The following POP1 variants were observed in gnomAD, a reference collection of about 807,000 sequenced individuals.
POP1 encodes the protein ribonucleases P/MRP protein subunit POP1.
A neutral mutation model predicts 102.2 loss-of-function variants in POP1; 75 were observed. That is an observed-to-expected ratio of 0.73 (90% CI 0.61 to 0.89). The LOEUF is 0.89. Ranked by LOEUF, POP1 falls within the 40% of genes least tolerant of loss-of-function variation. The pLI is 0.00. For synonymous variants in POP1, 436 were observed against 464.1 expected, an observed-to-expected ratio of 0.94 and a Z score of 0.78; for missense variants, 1,116 against 1,267.4, an observed-to-expected ratio of 0.88 and a Z score of 1.81.
At chr8:98,126,871 A>G (rs1240899029) in intron 2 of POP1, among the ~76,000 whole-genome samples, 2 of 152,228 alleles carry the variant, frequency 1.3e-5, no homozygotes, top group Non-Finnish European at 2.9e-5. Context: ...TTTTATATAT[A>G]TACGAATATT....
chr8:98,146,538 G>C (rs1816847217), intron 11 of POP1, 30 bp from the exon 12 acceptor site: 2 of 1,496,464 alleles, frequency 1.3e-6, no homozygotes, highest in African/African-American at 1.4e-5. Context: ...TGAAGGATGT[G>C]GTTTGAAGGC....
In POP1 at chr8:98,121,043, A is replaced by G. The variant is rs1816004415; in HGVS notation, c.-2-2293A>G. Among the ~76,000 whole-genome samples the G allele has an allele frequency of 2.6e-5, 4 of 152,174 alleles. 1 individual carries two copies. In the South Asian group the frequency reaches 8.3e-4, roughly 32 times the overall value. On this transcript the variant is annotated intron_variant, in intron 1 of 15. Coordinates refer to ENST00000401707, the MANE Select transcript of POP1 (RefSeq NM_001145860.2). ...AGTGATCCACTCGCCTTGGCCTCCC[A>G]TAGTGCTGGGATTACAGGCATAAGC...
At position 98,134,007 on chromosome 8, in the gene POP1, C is replaced by T. The variant is rs747730830; in HGVS notation, c.794C>T (p.Ala265Val). 12 of 1,612,648 alleles carry T rather than the reference C, an allele frequency of 7.4e-6. No homozygotes were observed. Among genetic ancestry groups the T allele is most frequent in the African/African-American group, 5.3e-5 (4 of 74,848 alleles). Residue 265 changes from alanine to valine, a missense_variant, in exon 6 of 16, where the codon GCG becomes GTG. Ala to Val is a moderately conservative substitution (Grantham distance 64). Coordinates refer to ENST00000401707, the MANE Select transcript of POP1 (RefSeq NM_001145860.2). ...LKGKEEEILK[A>V]LSGMCNIDTG... ...GGCAAAGAGGAAGAAATACTAAAGG[C>T]GCTTTCTGGAATGTGTAACATAGAC...
chr8:98,158,406 A>T lies in POP1; in HGVS notation c.*135A>T. On this transcript the variant is annotated 3_prime_UTR_variant, in exon 16 of 16. Coordinates refer to ENST00000401707, the MANE Select transcript of POP1 (RefSeq NM_001145860.2). ...AAACAAGAATAAAAAATTATGTATT[A>T]TGCAGATGATGAAATGTTTACATCA... 5 of 918,850 alleles carry T rather than the reference A, an allele frequency of 5.4e-6. No individual in the cohort carries two copies. The highest frequency in any genetic ancestry group is 8.6e-6 in the Non-Finnish European group (5 of 583,154). The allele number at this position is 918,850 out of a possible 1,614,324, so 56.9% of individuals were successfully genotyped here.
rs761379355 is a variant in POP1, at chr8:98,130,157, T to G, written c.666T>G (p.Leu222=). 6.2e-7 allele frequency: 1 copy of G among 1,614,034 alleles called. No homozygotes were observed. The highest frequency in any genetic ancestry group is 1.7e-5 in the Admixed American group (1 of 60,004). Residue 222 remains leucine (L), a synonymous_variant, in exon 5 of 16, where the codon CTT becomes CTG. Coordinates refer to ENST00000401707, the MANE Select transcript of POP1 (RefSeq NM_001145860.2). ...TGGTCAAGAAGTGGGGCTACTGCCTTGGGGAGAGGCCAACAGTCAAGAGCC... is the reference window on the plus strand; with the variant it reads ...TGGTCAAGAAGTGGGGCTACTGCCTGGGGGAGAGGCCAACAGTCAAGAGCC... ...FHMVKKWGYC[L]GERPTVKSHR...
chr8:98,148,608 A>C lies in POP1; in HGVS notation c.1711-207A>C, dbSNP rs9969669. Among the ~76,000 whole-genome samples the C allele has an allele frequency of 0.13, 20,340 of 152,270 alleles. 1,479 individuals carry two copies. The highest frequency in any genetic ancestry group is 0.27 in the Middle Eastern group (78 of 294). On this transcript the variant is annotated intron_variant, in intron 12 of 15. Coordinates refer to ENST00000401707, the MANE Select transcript of POP1 (RefSeq NM_001145860.2). Reference sequence around the variant, plus strand: ...TAATGAATGATATAAGATAATTTCGAATTTCTACCTAAGCACTTGTATAGA... The same window carrying C: ...TAATGAATGATATAAGATAATTTCGCATTTCTACCTAAGCACTTGTATAGA...
intron 5 of POP1, 76 bp downstream of exon 5, chr8:98,130,302 A>T (rs1816345834): frequency 1.3e-6 from 2 of 1,578,024 alleles, no homozygotes; most frequent in Non-Finnish European, 1.7e-6. Flanking sequence ...ATAGTTTATG[A>T]TGTGCCAAGC....
chr8:98,133,098 T>C (rs1337198670), intron 5 of POP1, among the ~76,000 whole-genome samples: 6 of 149,022 alleles, frequency 4.0e-5, no homozygotes, highest in African/African-American at 1.2e-4. Flanking sequence ...GTGCCTGTAG[T>C]CCCAGCTACC....
At chr8:98,123,117 G>A (rs1213550770) in intron 1 of POP1, among the ~76,000 whole-genome samples, 1 of 152,116 alleles carries the variant, frequency 6.6e-6, no homozygotes, top group Non-Finnish European at 1.5e-5. Flanking sequence ...ATCATCCATA[G>A]CAATCTTATC....
chr8:98,125,696 A>G (rs999366497), intron 2 of POP1, among the ~76,000 whole-genome samples: 5 of 152,016 alleles, frequency 3.3e-5, no homozygotes, highest in African/African-American at 7.2e-5. Context: ...ACATGCTGCC[A>G]CACCCAGCTA....
At chr8:98,120,867 T>C (rs1330547410) in intron 1 of POP1, among the ~76,000 whole-genome samples, 1 of 152,132 alleles carries the variant, frequency 6.6e-6, no homozygotes, top group Admixed American at 6.6e-5. Flanking sequence ...AGGATGGTCT[T>C]GATCTCCTGA....
chr8:98,148,872 C>A lies in POP1; in HGVS notation c.1768C>A (p.Pro590Thr). 6.2e-7 allele frequency: 1 copy of A among 1,613,850 alleles called. No individual in the cohort carries two copies. The highest frequency in any genetic ancestry group is 1.1e-5 in the South Asian group (1 of 90,988). Reference sequence around the variant, plus strand: ...GCCTGGGTCACAGCTTATTTTAGGTCCCCATGAATCCAAGATACCTATACT... The same window carrying A: ...GCCTGGGTCACAGCTTATTTTAGGTACCCATGAATCCAAGATACCTATACT... The part of the protein sequence containing the change: ...LVPGSQLILG[P>T]HESKIPILLI... Residue 590 changes from proline to threonine, a missense_variant, in exon 13 of 16, where the codon CCC (proline) becomes ACC (threonine). Coordinates refer to ENST00000401707, the MANE Select transcript of POP1 (RefSeq NM_001145860.2).
Position 98,127,781 on chromosome 8 carries a change from GT to G in POP1, c.310+20del. ...ATAACTGGTGGGTACTCATAAAGAG[GT>G]GCAGTTTGCTTGTATTTTGAACTCT... On this transcript the variant is annotated intron_variant, in intron 3 of 15. Coordinates refer to ENST00000401707, the MANE Select transcript of POP1 (RefSeq NM_001145860.2). The G allele has an allele frequency of 3.1e-6, 5 of 1,612,804 alleles. No homozygotes were observed. Among genetic ancestry groups the G allele is most frequent in the Non-Finnish European group, 4.2e-6 (5 of 1,178,988 alleles).
intron 14 of POP1, among the ~76,000 whole-genome samples, chr8:98,155,474 G>A (rs1809622475): frequency 6.6e-6 from 1 of 151,840 alleles, no homozygotes; most frequent in Non-Finnish European, 1.5e-5. Flanking sequence ...GTAGAGACAG[G>A]GTTTCACCAT....
chr8:98,126,527 G>A (rs1288223068), intron 2 of POP1, among the ~76,000 whole-genome samples: 1 of 152,094 alleles, frequency 6.6e-6, no homozygotes, highest in Non-Finnish European at 1.5e-5. Flanking sequence ...ATTTCACCAC[G>A]TAAGCACACC....
rs372511660 is a variant in POP1 at position 98,140,904 on chromosome 8, C to T, written c.1594+16C>T. 1 of 1,613,288 alleles carries T rather than the reference C, an allele frequency of 6.2e-7. No homozygotes were observed. Among genetic ancestry groups the T allele is most frequent in the South Asian group, 1.1e-5 (1 of 91,062 alleles). Reference sequence around the variant, plus strand: ...AAATGCCAAGGTAAAGTTCCAAAAACACCCCAGGTTTTCCTTACTATTTCG... The same window carrying T: ...AAATGCCAAGGTAAAGTTCCAAAAATACCCCAGGTTTTCCTTACTATTTCG... On this transcript the variant is annotated intron_variant, in intron 11 of 15. Coordinates refer to ENST00000401707, the MANE Select transcript of POP1 (RefSeq NM_001145860.2).
rs1440983120 is a variant in POP1, at chr8:98,128,465, G to A, written c.411G>A (p.Arg137=). The A allele has an allele frequency of 1.9e-6, 3 of 1,613,944 alleles. No individual in the cohort carries two copies. Among genetic ancestry groups the A allele is most frequent in the Non-Finnish European group, 1.7e-6 (2 of 1,179,920 alleles). ...SNSLVFQTLP[R]HMRRRAMSHN... The stretch of plus-strand genomic sequence containing the variant: ...CACTGGTTTTTCAGACTCTGCCACG[G>A]CACATGCGACGAAGAGCCATGAGCC... The change falls in exon 4 of 16, where the codon CGG becomes CGA. Residue 137 remains arginine (R), a synonymous_variant. Coordinates refer to ENST00000401707, the MANE Select transcript of POP1 (RefSeq NM_001145860.2).
At chr8:98,126,984 T>C (rs1816224076) in intron 2 of POP1, among the ~76,000 whole-genome samples, 1 of 152,158 alleles carries the variant, frequency 6.6e-6, no homozygotes, top group African/African-American at 2.4e-5. Context: ...AAATAACAAA[T>C]GTATTTCTCA....
In POP1 at chr8:98,127,733, C is replaced by T. The variant is rs778415937; in HGVS notation, c.281C>T (p.Thr94Met). The change falls in exon 3 of 16, where the codon ACG (threonine) becomes ATG (methionine). Residue 94 changes from threonine to methionine, a missense_variant. Transcript: ENST00000401707. ...GGATGGAAAGCAGGTCCCGAGGGCA[C>T]GTCTCAGGAGATCCCCAAGTATATA... ...KGGWKAGPEG[T>M]SQEIPKYITA... The T allele has an allele frequency of 9.9e-6, 16 of 1,613,868 alleles. No individual in the cohort carries two copies. Among genetic ancestry groups the T allele is most frequent in the Middle Eastern group, 1.6e-4 (1 of 6,080 alleles).
Sources: gnomAD v4.1 joint callset for allele counts (sites outside exome capture counted in the v4.1 genomes callset) on GRCh38, gnomAD v4.1.1 for gene constraint, MANE v1.5 for transcripts, NCBI Gene and HGNC (gene_info 2026-07-23, HGNC 2026-07-21) for gene names.